Variants in VSTM2A observed in about 807,000 individuals in gnomAD.
VSTM2A encodes V-set and transmembrane domain containing 2A.
A neutral mutation model predicts 27.3 loss-of-function variants in VSTM2A; 13 were observed. The observed-to-expected ratio is 0.48, with a 90% CI of 0.31 to 0.76. The LOEUF is 0.76. Ranked by LOEUF, VSTM2A falls within the 30% of genes least tolerant of loss-of-function variation. The probability of loss-of-function intolerance (pLI) is 0.05; values close to 1 mark genes in which losing one functional copy is unlikely to be tolerated. For synonymous variants in VSTM2A, 142 were observed against 125.7 expected, an observed-to-expected ratio of 1.13 and a Z score of -0.87; for missense variants, 280 against 310.0, an observed-to-expected ratio of 0.90 and a Z score of 0.73.
Position 54,542,614 on chromosome 7 carries a change from A to C in VSTM2A, c.-117A>C. On this transcript the variant is annotated 5_prime_UTR_variant, in exon 1 of 5. It removes an upstream start codon present in the reference 5' UTR. Coordinates refer to ENST00000402613, the MANE Select transcript of VSTM2A (RefSeq NM_001301009.2). ...CAGCCCTCGCCAAGCAAGCAGCAGG[A>C]TGTTTGCAGTGTCGCGCCCAGGGCT... 1.2e-6 allele frequency: 1 copy of C among 832,092 alleles called. No individual in the cohort carries two copies. The highest frequency in any genetic ancestry group is 1.6e-5 in the South Asian group (1 of 61,932). The allele number at this position is 832,092 out of a possible 1,614,324, so 51.5% of individuals were successfully genotyped here. A position where few individuals can be genotyped will look rare whatever the true frequency, so the allele number is the denominator to read the frequency against.
At chr7:54,564,584 T>A (rs1788663471) in intron 4 of VSTM2A, among the ~76,000 whole-genome samples, 1 of 152,202 alleles carries the variant, frequency 6.6e-6, no homozygotes, top group Admixed American at 6.5e-5. Flanking sequence ...CTCAGCGCCT[T>A]GAATTAAATA....
chr7:54,544,959 G>A lies in VSTM2A; in HGVS notation c.246+171G>A, dbSNP rs189443135. On this transcript the variant is annotated intron_variant, in intron 2 of 4. Transcript: ENST00000402613. ...GGGAGGGAAAGGGAATTTGTCCTGG[G>A]GACGCGAAGTTAAAACCCAGAAGGA... Among the ~76,000 whole-genome samples the A allele has an allele frequency of 3.9e-3, 601 of 152,292 alleles. 4 individuals carry two copies. Among genetic ancestry groups the A allele is most frequent in the African/African-American group, 0.014 (568 of 41,568 alleles).
chr7:54,562,726 C>T (rs917012070), intron 4 of VSTM2A, among the ~76,000 whole-genome samples: 7 of 152,186 alleles, frequency 4.6e-5, no homozygotes, highest in Admixed American at 2.6e-4. Context: ...CATTTGTCTC[C>T]ATTGCATTCC....
intron 1 of VSTM2A, among the ~76,000 whole-genome samples, chr7:54,543,054 G>A (rs2115741137): frequency 6.6e-6 from 1 of 152,112 alleles, no homozygotes; most frequent in South Asian, 2.1e-4. Flanking sequence ...ACAAACACAG[G>A]GTCGTGTGGT....
At chr7:54,566,911 A>G (rs1166378827) in intron 4 of VSTM2A, among the ~76,000 whole-genome samples, 1 of 152,236 alleles carries the variant, frequency 6.6e-6, no homozygotes, top group Non-Finnish European at 1.5e-5. Context: ...TTTCCATACA[A>G]TAAACCATAA....
Position 54,542,510 on chromosome 7 carries a change from T to C in VSTM2A, c.-221T>C. The C allele has an allele frequency of 1.8e-6, 1 of 559,920 alleles. No individual in the cohort carries two copies. Among genetic ancestry groups the C allele is most frequent in the Non-Finnish European group, 3.1e-6 (1 of 318,582 alleles). The allele number at this position is 559,920 out of a possible 1,614,324, so 34.7% of individuals were successfully genotyped here. A position where few individuals can be genotyped will look rare whatever the true frequency, so the allele number is the denominator to read the frequency against. On this transcript the variant is annotated 5_prime_UTR_variant, in exon 1 of 5. Coordinates refer to ENST00000402613, the MANE Select transcript of VSTM2A (RefSeq NM_001301009.2). ...GAGACACTTCCCAGCGATTCCAGCC[T>C]GGGCTCCGCAGGAAGCCTCGCTGAA...
Position 54,542,763 on chromosome 7 carries a change from T to C in VSTM2A, c.33T>C (p.Phe11=). The stretch of plus-strand genomic sequence containing the variant: ...GGATCTTTTTGGTGTATGTTGGATT[T>C]GTTTTCTTTTCCGTTTTATATGTAC... The part of the protein sequence containing the change: MMGIFLVYVG[F]VFFSVLYVQQ... Residue 11 remains phenylalanine, a synonymous_variant, in exon 1 of 5, where the codon TTT becomes TTC. Coordinates refer to ENST00000402613, the MANE Select transcript of VSTM2A (RefSeq NM_001301009.2). 6.2e-7 allele frequency: 1 copy of C among 1,613,936 alleles called. No homozygotes were observed. Among genetic ancestry groups the C allele is most frequent in the East Asian group, 2.2e-5 (1 of 44,870 alleles).
At chr7:54,569,100 T>A in intron 4 of VSTM2A, 31 bp from the exon 5 acceptor site, 1 of 1,596,676 alleles carries the variant, frequency 6.3e-7, no homozygotes, top group Non-Finnish European at 8.5e-7. Flanking sequence ...AAGTGCTGAC[T>A]TTTTTCCAAT....
rs371232946 is a variant in VSTM2A at position 54,549,805 on chromosome 7, T to C, written c.298-29T>C. On this transcript the variant is annotated intron_variant, in intron 3 of 4. Coordinates refer to ENST00000402613, the MANE Select transcript of VSTM2A (RefSeq NM_001301009.2). Reference sequence around the variant, plus strand: ...AACAAAATCATTTGATGTAGCACTTTATTGTTTTTTTTACCTGCAATTTTT... The same window carrying C: ...AACAAAATCATTTGATGTAGCACTTCATTGTTTTTTTTACCTGCAATTTTT... The C allele has an allele frequency of 6.7e-4, 1,040 of 1,543,294 alleles. 2 individuals carry two copies. The highest frequency in any genetic ancestry group is 8.1e-4 in the Non-Finnish European group (932 of 1,146,530).
In VSTM2A at chr7:54,569,928, A is replaced by G. The variant is rs1788840255; in HGVS notation, c.*709A>G. 6.6e-6 allele frequency: 1 copy of G among 152,100 alleles called. No homozygotes were observed. Among genetic ancestry groups the G allele is most frequent in the Admixed American group, 6.6e-5 (1 of 15,264 alleles). 9.4% of individuals were successfully genotyped at this position (152,100 alleles called of 1,614,324 possible). Reference sequence around the variant, plus strand: ...TTTTTATCATTATATATATAAATATATACTTAAGAATATCTGTGTGTTGGG... The same window carrying G: ...TTTTTATCATTATATATATAAATATGTACTTAAGAATATCTGTGTGTTGGG... On this transcript the variant is annotated 3_prime_UTR_variant, in exon 5 of 5. Coordinates refer to ENST00000402613, the MANE Select transcript of VSTM2A (RefSeq NM_001301009.2).
intron 2 of VSTM2A, among the ~76,000 whole-genome samples, chr7:54,545,924 AAG>A (rs1318613342): frequency 5.5e-4 from 34 of 61,672 alleles, no homozygotes; most frequent in Admixed American, 3.5e-3. Context: ...GGAGAGAGGT[AAG>A]AGGGGGGAAG....
At chr7:54,551,443 C>T (rs2204133) in intron 4 of VSTM2A, 81,203 of 151,914 alleles carry the variant, frequency 0.53, 22,523 homozygotes, top group Middle Eastern at 0.7. Context: ...CCTGGCATGC[C>T]TTGGTCATTG....
Position 54,549,907 on chromosome 7 carries a change from T to C in VSTM2A, c.371T>C (p.Leu124Ser). ...AAAGTGAGGAAAAAGGATGAAGGCTTATATGAGTGCAGGGTGACTGATGCC... is the reference window on the plus strand; with the variant it reads ...AAAGTGAGGAAAAAGGATGAAGGCTCATATGAGTGCAGGGTGACTGATGCC... ...ISKVRKKDEG[L>S]YECRVTDANY... is the part of the protein sequence containing the mutation. The change falls in exon 4 of 5, where the codon TTA (leucine) becomes TCA (serine). Residue 124 changes from leucine (L) to serine (S), a missense_variant. By Grantham distance (145) the Leu-to-Ser change is moderately radical (BLOSUM62 -2). Transcript: ENST00000402613. The C allele has an allele frequency of 6.2e-7, 1 of 1,613,840 alleles. No homozygotes were observed. The highest frequency in any genetic ancestry group is 8.5e-7 in the Non-Finnish European group (1 of 1,179,846).
At chr7:54,562,476 A>G (rs888458291) in intron 4 of VSTM2A, among the ~76,000 whole-genome samples, 5 of 152,170 alleles carry the variant, frequency 3.3e-5, no homozygotes, top group Non-Finnish European at 7.4e-5. Flanking sequence ...GGGCGTGGAT[A>G]AGGAGAGGTA....
At chr7:54,555,049 A>T (rs1410956773) in intron 4 of VSTM2A, among the ~76,000 whole-genome samples, 1 of 152,212 alleles carries the variant, frequency 6.6e-6, no homozygotes, top group Non-Finnish European at 1.5e-5. Context: ...TTTTAATAGC[A>T]TTTATCACAG....
At position 54,569,484 on chromosome 7, in the gene VSTM2A, G is replaced by A. The variant is rs538100892; in HGVS notation, c.*265G>A. 6.3e-6 allele frequency: 3 copies of A among 474,002 alleles called. No individual in the cohort carries two copies. The highest frequency in any genetic ancestry group is 5.9e-5 in the African/African-American group (3 of 51,214). The allele number at this position is 474,002 out of a possible 1,614,324, so 29.4% of individuals were successfully genotyped here. Reference sequence around the variant, plus strand: ...TGGATACCACTAATTTCCTACTAAAGGACCCAGCATCTTCAGGAAGCAAAC... The same window carrying A: ...TGGATACCACTAATTTCCTACTAAAAGACCCAGCATCTTCAGGAAGCAAAC... On this transcript the variant is annotated 3_prime_UTR_variant, in exon 5 of 5. Coordinates refer to ENST00000402613, the MANE Select transcript of VSTM2A (RefSeq NM_001301009.2).
At chr7:54,550,449 G>C (rs1163906744) in intron 4 of VSTM2A, 1 of 707,290 alleles carries the variant, frequency 1.4e-6, no homozygotes. Context: ...CACATTATAA[G>C]AACAATAAAT....
At chr7:54,568,549 A>G (rs999911953) in intron 4 of VSTM2A, among the ~76,000 whole-genome samples, 5 of 151,956 alleles carry the variant, frequency 3.3e-5, no homozygotes, top group African/African-American at 1.2e-4. Flanking sequence ...AAAAAACACT[A>G]TAAAAGTAAA....
At chr7:54,543,416 A>C (rs1446290956) in intron 1 of VSTM2A, among the ~76,000 whole-genome samples, 1 of 152,202 alleles carries the variant, frequency 6.6e-6, no homozygotes, top group African/African-American at 2.4e-5. Flanking sequence ...AAAAGACTGC[A>C]TCACTTCTGC....
Sources: gnomAD v4.1 joint callset for allele counts (sites outside exome capture counted in the v4.1 genomes callset) on GRCh38, gnomAD v4.1.1 for gene constraint, MANE v1.5 for transcripts, NCBI Gene and HGNC (gene_info 2026-07-23, HGNC 2026-07-21) for gene names.